Variants in CNTN4 observed in about 807,000 individuals in gnomAD.
CNTN4 encodes contactin-4.
In CNTN4, 77 loss-of-function variants were observed where a neutral mutation model predicts 122.5. That is an observed-to-expected ratio of 0.63 (90% CI 0.52 to 0.76). CNTN4 has a LOEUF of 0.76. Ranked by LOEUF, CNTN4 falls within the 30% of genes least tolerant of loss-of-function variation. CNTN4 has a pLI of 0.00. For synonymous variants in CNTN4, 512 were observed against 447.0 expected, an observed-to-expected ratio of 1.15 and a Z score of -1.83; for missense variants, 1,256 against 1,259.1, an observed-to-expected ratio of 1.00 and a Z score of 0.04.
chr3:2,354,090 A>G (rs755519372), intron 3 of CNTN4, among the ~76,000 whole-genome samples: 5 of 152,206 alleles, frequency 3.3e-5, no homozygotes, highest in Non-Finnish European at 5.9e-5. Context: ...CATCTTGTTG[A>G]TTAAAAACAC....
intron 12 of CNTN4, among the ~76,000 whole-genome samples, chr3:2,914,858 T>C (rs1326245299): frequency 6.6e-6 from 1 of 152,052 alleles, no homozygotes; most frequent in African/African-American, 2.4e-5. Context: ...CTGATGAACA[T>C]TGATCTAGAA....
intron 4 of CNTN4, among the ~76,000 whole-genome samples, chr3:2,630,730 G>GTA (rs1019513213): frequency 3.4e-5 from 4 of 117,570 alleles, no homozygotes; most frequent in Admixed American, 8.2e-5. Context: ...GTGTGTGTGT[G>GTA]TACTATATGT....
intron 6 of CNTN4, among the ~76,000 whole-genome samples, chr3:2,764,154 C>A (rs917959033): frequency 6.6e-6 from 1 of 151,998 alleles, no homozygotes; most frequent in Non-Finnish European, 1.5e-5. Flanking sequence ...AAAGCCAGAC[C>A]CAGTCCCTCA....
chr3:2,272,538 G>C lies in CNTN4; in HGVS notation c.-144-66640G>C, dbSNP rs13090494. On this transcript the variant is annotated intron_variant, in intron 2 of 24. Transcript: ENST00000418658. ...TACATTAAAGTTATACTATGATAAA[G>C]ATCTTTGTGCATACCAATTTACCCT... Among the ~76,000 whole-genome samples, 1,225 of 151,968 alleles carry C rather than the reference G, an allele frequency of 8.1e-3. 17 individuals are homozygous for C. Among genetic ancestry groups the C allele is most frequent in the African/African-American group, 0.028 (1,160 of 41,424 alleles).
chr3:2,372,192 T>C lies in CNTN4; in HGVS notation c.-89+32959T>C, dbSNP rs968866507. On this transcript the variant is annotated intron_variant, in intron 3 of 24. Transcript: ENST00000418658. Reference sequence around the variant, plus strand: ...TAATGACAAGCACTTGCAGTAGCTCTATTTATTTATTTATTCATTTTTATT... The same window carrying C: ...TAATGACAAGCACTTGCAGTAGCTCCATTTATTTATTTATTCATTTTTATT... 2.0e-5 allele frequency among the ~76,000 whole-genome samples: 3 copies of C among 152,344 alleles called. No individual in the cohort carries two copies. The East Asian group carries it at 5.8e-4, about 29-fold the overall frequency.
chr3:2,465,986 A>C (rs943648390), intron 3 of CNTN4, among the ~76,000 whole-genome samples: 2 of 152,232 alleles, frequency 1.3e-5, no homozygotes, highest in Non-Finnish European at 2.9e-5. Flanking sequence ...GCTCAAGGTC[A>C]AAAGCCTCAA....
chr3:2,442,309 T>A (rs1170092586), intron 3 of CNTN4, among the ~76,000 whole-genome samples: 1 of 152,032 alleles, frequency 6.6e-6, no homozygotes, highest in Non-Finnish European at 1.5e-5. Flanking sequence ...GCCAAAAAAA[T>A]ACCTAACAAA....
intron 4 of CNTN4, among the ~76,000 whole-genome samples, chr3:2,610,269 T>A (rs1232559823): frequency 6.6e-6 from 1 of 152,208 alleles, no homozygotes; most frequent in Non-Finnish European, 1.5e-5. Context: ...AAGAAAAAAC[T>A]CAAAATGTGT....
At chr3:2,280,429 G>C (rs2041674236) in intron 2 of CNTN4, among the ~76,000 whole-genome samples, 1 of 151,800 alleles carries the variant, frequency 6.6e-6, no homozygotes, top group Non-Finnish European at 1.5e-5. Flanking sequence ...TCTTCCTTTT[G>C]TACTCAAGTA....
intron 3 of CNTN4, among the ~76,000 whole-genome samples, chr3:2,513,334 T>G (rs546788897): frequency 6.6e-6 from 1 of 152,298 alleles, no homozygotes; most frequent in African/African-American, 2.4e-5. Flanking sequence ...TTCTGACTAC[T>G]GCAAGTATAT....
At chr3:2,498,897 C>G (rs1010820502) in intron 3 of CNTN4, among the ~76,000 whole-genome samples, 3 of 151,980 alleles carry the variant, frequency 2.0e-5, no homozygotes, top group Admixed American at 2.0e-4. Context: ...TCAAGTGATT[C>G]TCCTGCCTCA....
At chr3:2,160,493 G>C (rs2035913513) in intron 2 of CNTN4, among the ~76,000 whole-genome samples, 1 of 152,120 alleles carries the variant, frequency 6.6e-6, no homozygotes. Context: ...ATTTTAAAAT[G>C]AAGATTATCA....
At chr3:2,298,217 G>A (rs1047755914) in intron 2 of CNTN4, among the ~76,000 whole-genome samples, 1 of 152,100 alleles carries the variant, frequency 6.6e-6, no homozygotes, top group African/African-American at 2.4e-5. Flanking sequence ...AATTACAAAT[G>A]TATAATTTTA....
rs575379996 is a variant in CNTN4, at chr3:2,368,178, C to G, written c.-89+28945C>G. ...CTCCCGAGTAGCTGGGACTACAGGG[C>G]CCGCCACCACGCCCAGCTAATTTTT... On this transcript the variant is annotated intron_variant, in intron 3 of 24. Transcript: ENST00000418658. 1.6e-3 allele frequency among the ~76,000 whole-genome samples: 118 copies of G among 73,332 alleles called. 1 individual carries two copies. The highest frequency in any genetic ancestry group is 3.1e-3 in the African/African-American group (66 of 21,504). The allele number at this position is 73,332 out of a possible 152,430, so 48.1% of individuals were successfully genotyped here. A position where few individuals can be genotyped will look rare whatever the true frequency, so the allele number is the denominator to read the frequency against.
intron 2 of CNTN4, among the ~76,000 whole-genome samples, chr3:2,168,900 T>C (rs895237140): frequency 2.0e-5 from 3 of 152,182 alleles, no homozygotes; most frequent in African/African-American, 7.2e-5. Context: ...ATTGCCAAGA[T>C]AAAGCAAATT....
intron 3 of CNTN4, among the ~76,000 whole-genome samples, chr3:2,480,331 C>A (rs2151574283): frequency 6.6e-6 from 1 of 152,162 alleles, no homozygotes; most frequent in East Asian, 1.9e-4. Flanking sequence ...ACTGCCTTTT[C>A]TTGTAGATGA....
intron 3 of CNTN4, among the ~76,000 whole-genome samples, chr3:2,495,578 G>A (rs539319568): frequency 4.6e-5 from 7 of 152,312 alleles, no homozygotes; most frequent in East Asian, 3.9e-4. Context: ...AGCAGCAGGC[G>A]AGCGAGCATT....
At chr3:2,584,905 G>A (rs1367026430) in intron 4 of CNTN4, among the ~76,000 whole-genome samples, 1 of 150,998 alleles carries the variant, frequency 6.6e-6, no homozygotes, top group Admixed American at 6.6e-5. Context: ...AGGAAGGTAG[G>A]TAGGTAGGTA....
At chr3:2,636,016 C>G (rs2127345) in intron 4 of CNTN4, among the ~76,000 whole-genome samples, 65,165 of 151,912 alleles carry the variant, frequency 0.43, 14,204 homozygotes, top group East Asian at 0.68. Context: ...CATTTCTTCC[C>G]TGCTATATAA....
Sources: gnomAD v4.1 joint callset for allele counts (sites outside exome capture counted in the v4.1 genomes callset) on GRCh38, gnomAD v4.1.1 for gene constraint, MANE v1.5 for transcripts, NCBI Gene and HGNC (gene_info 2026-07-23, HGNC 2026-07-21) for gene names.